SLC2A13: variants seen among roughly 807,000 people sequenced by gnomAD.
SLC2A13 encodes the protein proton myo-inositol cotransporter.
SLC2A13 carries 32 observed loss-of-function variants against 64.4 expected under a neutral mutation model. That is an observed-to-expected ratio of 0.50 (90% CI 0.37 to 0.67). The LOEUF is 0.67. Among genes scored for constraint, SLC2A13 ranks in the 30% least tolerant of loss-of-function variants. SLC2A13 has a pLI of 0.00. For synonymous variants in SLC2A13, 338 were observed against 327.1 expected (o/e 1.03, Z -0.36); for missense variants, 743 against 829.2 (o/e 0.90, Z 1.28).
At chr12:39,881,437 T>C (rs184510028) in intron 4 of SLC2A13, among the ~76,000 whole-genome samples, 69 of 146,462 alleles carry the variant, frequency 4.7e-4, no homozygotes, top group African/African-American at 1.4e-3. Context: ...ACTGTCTTTT[T>C]CAGTTTACTA....
At chr12:40,053,914 A>T (rs1170400489) in intron 1 of SLC2A13, among the ~76,000 whole-genome samples, 1 of 152,214 alleles carries the variant, frequency 6.6e-6, no homozygotes, top group African/African-American at 2.4e-5. Flanking sequence ...CTTGAACATG[A>T]AGGCTTTGTC....
intron 4 of SLC2A13, among the ~76,000 whole-genome samples, chr12:39,928,027 A>G (rs969350854): frequency 6.6e-5 from 10 of 152,314 alleles, no homozygotes; most frequent in African/African-American, 2.2e-4. Context: ...GCAGGAAACG[A>G]ATTACATTTC....
At chr12:39,858,883 G>C (rs889569434) in intron 6 of SLC2A13, among the ~76,000 whole-genome samples, 1 of 152,090 alleles carries the variant, frequency 6.6e-6, no homozygotes, top group Non-Finnish European at 1.5e-5. Context: ...TGGGATTACA[G>C]GTGTGACGCA....
At chr12:39,881,047 G>A (rs1944325878) in intron 4 of SLC2A13, among the ~76,000 whole-genome samples, 2 of 152,128 alleles carry the variant, frequency 1.3e-5, no homozygotes, top group African/African-American at 2.4e-5. Context: ...GCCTGTCATT[G>A]TAATTATATA....
chr12:39,838,470 A>G (rs1206119595), intron 6 of SLC2A13, among the ~76,000 whole-genome samples: 1 of 148,672 alleles, frequency 6.7e-6, no homozygotes, highest in African/African-American at 2.5e-5. Context: ...GTGCACATGT[A>G]CCCTAAAACT....
At position 39,755,200 on chromosome 12, in the gene SLC2A13, A is replaced by G. The variant is rs1404915178; in HGVS notation, c.*4826T>C. Reference sequence around the variant, plus strand: ...CCATAAAATATACAATACTTTTGATACAGCATAGGCTAGGATGACTTTGAA... The same window carrying G: ...CCATAAAATATACAATACTTTTGATGCAGCATAGGCTAGGATGACTTTGAA... On this transcript the variant is annotated 3_prime_UTR_variant, in exon 10 of 10. Transcript: ENST00000280871. 6.6e-6 allele frequency: 1 copy of G among 152,168 alleles called. No individual in the cohort carries two copies. The highest frequency in any genetic ancestry group is 2.1e-4 in the South Asian group (1 of 4,834). The allele number at this position is 152,168 out of a possible 1,614,324, so 9.4% of individuals were successfully genotyped here.
At chr12:39,862,654 T>G (rs911737174) in intron 6 of SLC2A13, among the ~76,000 whole-genome samples, 1 of 152,222 alleles carries the variant, frequency 6.6e-6, no homozygotes, top group Non-Finnish European at 1.5e-5. Context: ...TAAGGTATTA[T>G]GTGATTCTTT....
chr12:39,807,049 G>GT (rs1941999072), intron 7 of SLC2A13, among the ~76,000 whole-genome samples: 1 of 152,112 alleles, frequency 6.6e-6, no homozygotes, highest in Admixed American at 6.5e-5. Flanking sequence ...CATTAGGTTG[G>GT]TGCAAAAGTA....
intron 3 of SLC2A13, among the ~76,000 whole-genome samples, chr12:39,951,969 A>ATGTGTGTGTACG (rs1360709431): frequency 6.6e-6 from 1 of 151,940 alleles, no homozygotes; most frequent in Non-Finnish European, 1.5e-5. Context: ...AGATGTGTGT[A>ATGTGTGTGTACG]TGTGTGTGTA....
chr12:39,869,934 C>T (rs1201883226), intron 5 of SLC2A13, among the ~76,000 whole-genome samples: 1 of 152,200 alleles, frequency 6.6e-6, no homozygotes, highest in African/African-American at 2.4e-5. Context: ...ATCCTCATTA[C>T]ATCTCTGTGA....
intron 3 of SLC2A13, among the ~76,000 whole-genome samples, chr12:39,993,969 T>C (rs1412870436): frequency 6.6e-6 from 1 of 152,132 alleles, no homozygotes; most frequent in African/African-American, 2.4e-5. Flanking sequence ...TAATAAAAAT[T>C]CTCATCATTT....
At position 40,105,512 on chromosome 12, in the gene SLC2A13, G is replaced by C. The variant is rs750667613; in HGVS notation, c.297C>G (p.Thr99=). The C allele has an allele frequency of 4.4e-6, 7 of 1,581,494 alleles. No homozygotes were observed. The highest frequency in any genetic ancestry group is 2.4e-5 in the East Asian group (1 of 42,430). The change falls in exon 1 of 10, where the codon ACC becomes ACG. Residue 99 remains threonine (T), a synonymous_variant. Transcript: ENST00000280871. This position sits in a 1 kb window ranked among gnomAD's most constrained non-coding sequence, Gnocchi z 4.2. ...GCAGCATGGCCCCTGACACCACCCC[G>C]GTGTCATAGCCAAACAGGAAGCCGC... ...ALGGFLFGYD[T]GVVSGAMLLL...
In SLC2A13 at chr12:39,834,600, G is replaced by A. The variant is rs564175154; in HGVS notation, c.1320-4372C>T. Among the ~76,000 whole-genome samples, 4 of 151,920 alleles carry A rather than the reference G, an allele frequency of 2.6e-5. No homozygotes were observed. The South Asian group carries it at 6.2e-4, about 24-fold the overall frequency. ...CCATACTGCCCCTCCATACCATTTCGTTCAGGGAAAGGAGGTCAAGTATCA... is the reference window on the plus strand; with the variant it reads ...CCATACTGCCCCTCCATACCATTTCATTCAGGGAAAGGAGGTCAAGTATCA... On this transcript the variant is annotated intron_variant, in intron 6 of 9. Coordinates refer to ENST00000280871, the MANE Select transcript of SLC2A13 (RefSeq NM_052885.4).
intron 4 of SLC2A13, among the ~76,000 whole-genome samples, chr12:39,909,805 G>A (rs748503662): frequency 2.0e-5 from 3 of 151,656 alleles, no homozygotes; most frequent in Non-Finnish European, 4.4e-5. Context: ...GTAATTTGCA[G>A]TGTGGGAACT....
At chr12:39,870,218 T>G (rs73274700) in intron 5 of SLC2A13, among the ~76,000 whole-genome samples, 1,542 of 152,288 alleles carry the variant, frequency 0.01, 17 homozygotes, top group African/African-American at 0.035. Flanking sequence ...CTTCTTGAGG[T>G]AGCAATATAC....
chr12:39,900,425 A>G (rs886733567), intron 4 of SLC2A13, among the ~76,000 whole-genome samples: 7 of 152,134 alleles, frequency 4.6e-5, no homozygotes, highest in Non-Finnish European at 7.4e-5. Flanking sequence ...ACATGATCGT[A>G]TATCTAGAAA....
In SLC2A13 at chr12:39,757,538, A is replaced by C. The variant is rs1160563421; in HGVS notation, c.*2488T>G. Reference sequence around the variant, plus strand: ...ATTGTATAAGGTTCCTTTTCAAGTAATTGTTTCTAAAAAGTTATAAATAAT... The same window carrying C: ...ATTGTATAAGGTTCCTTTTCAAGTACTTGTTTCTAAAAAGTTATAAATAAT... On this transcript the variant is annotated 3_prime_UTR_variant, in exon 10 of 10. Coordinates refer to ENST00000280871, the MANE Select transcript of SLC2A13 (RefSeq NM_052885.4). 1 of 151,618 alleles carries C rather than the reference A, an allele frequency of 6.6e-6. No individual in the cohort carries two copies. The highest frequency in any genetic ancestry group is 1.5e-5 in the Non-Finnish European group (1 of 67,702). 9.4% of individuals were successfully genotyped at this position (151,618 alleles called of 1,614,324 possible).
At chr12:40,079,750 C>G (rs1246102259) in intron 1 of SLC2A13, among the ~76,000 whole-genome samples, 4 of 152,210 alleles carry the variant, frequency 2.6e-5, no homozygotes. Flanking sequence ...TCATAGGTCT[C>G]TTACAAACTT....
Position 39,848,680 on chromosome 12 carries a change from C to G in SLC2A13, c.1319+16082G>C, listed in dbSNP as rs186405962. ...CAGCTCCCATTTCTAGGTATATATG[C>G]AGAGGAATGTAAAGCATTCTACCAT... On this transcript the variant is annotated intron_variant, in intron 6 of 9. Coordinates refer to ENST00000280871, the MANE Select transcript of SLC2A13 (RefSeq NM_052885.4). 3.2e-3 allele frequency among the ~76,000 whole-genome samples: 489 copies of G among 152,214 alleles called. 1 individual carries two copies. Among genetic ancestry groups the G allele is most frequent in the African/African-American group, 0.011 (467 of 41,532 alleles).
Sources: allele counts gnomAD v4.1 joint callset (sites outside exome capture counted in the v4.1 genomes callset), GRCh38; gene constraint gnomAD v4.1.1; non-coding constraint Gnocchi (gnomAD v3.1); transcripts MANE v1.5; gene names NCBI Gene and HGNC (gene_info 2026-07-23, HGNC 2026-07-21).